The following MAPRE3 variants were observed in gnomAD, a reference collection of about 807,000 sequenced individuals.
MAPRE3 encodes microtubule associated protein RP/EB family member 3.
In MAPRE3, 2 loss-of-function variants were observed where a neutral mutation model predicts 30.5. That is an observed-to-expected ratio of 0.07 (90% CI 0.03 to 0.21). The LOEUF (loss-of-function observed/expected upper bound fraction) is 0.21. MAPRE3 is among the 10% of genes least tolerant of loss of function. The probability of loss-of-function intolerance (pLI) is 1.00; values close to 1 mark genes in which losing one functional copy is unlikely to be tolerated. For missense variants in MAPRE3, 204 were observed against 351.8 expected, an observed-to-expected ratio of 0.58 and a Z score of 3.36; for synonymous variants, 110 against 127.7, an observed-to-expected ratio of 0.86 and a Z score of 0.93.
intron 4 of MAPRE3, among the ~76,000 whole-genome samples, chr2:27,025,246 C>T (rs1445916545): frequency 1.3e-5 from 2 of 152,188 alleles, no homozygotes; most frequent in Non-Finnish European, 2.9e-5. Flanking sequence ...ACGAGAGGGT[C>T]CCGCACCCTT....
At chr2:26,997,164 T>C (rs1162626100) in intron 1 of MAPRE3, among the ~76,000 whole-genome samples, 1 of 152,170 alleles carries the variant, frequency 6.6e-6, no homozygotes, top group East Asian at 1.9e-4. Flanking sequence ...CAAGGTTTTG[T>C]GGAAGACAGT....
intron 1 of MAPRE3, among the ~76,000 whole-genome samples, chr2:26,981,917 C>A (rs762085992): frequency 1.1e-4 from 17 of 152,208 alleles, no homozygotes; most frequent in Non-Finnish European, 2.2e-4. Context: ...CTGAGCAGAT[C>A]CCTACTGAGC....
chr2:26,971,890 G>A (rs1456099840), intron 1 of MAPRE3, among the ~76,000 whole-genome samples: 2 of 152,126 alleles, frequency 1.3e-5, no homozygotes, highest in Non-Finnish European at 2.9e-5. Context: ...TGTCTTTGTG[G>A]GGCTGTCACC....
intron 1 of MAPRE3, among the ~76,000 whole-genome samples, chr2:27,009,565 TA>T (rs1666803058): frequency 6.6e-6 from 1 of 152,362 alleles, no homozygotes; most frequent in African/African-American, 2.4e-5. Flanking sequence ...TATTGTTGAC[TA>T]AAATACTGTG....
intron 1 of MAPRE3, among the ~76,000 whole-genome samples, chr2:26,992,345 G>A (rs1190715385): frequency 6.6e-6 from 1 of 151,532 alleles, no homozygotes; most frequent in Non-Finnish European, 1.5e-5. Flanking sequence ...TCCTGCCTCA[G>A]CCTCCCAAGT....
chr2:26,978,011 C>T (rs1369268400), intron 1 of MAPRE3, among the ~76,000 whole-genome samples: 1 of 152,362 alleles, frequency 6.6e-6, no homozygotes, highest in East Asian at 1.9e-4. Context: ...CCTCTTCCTC[C>T]AAATGGTCTG....
intron 1 of MAPRE3, among the ~76,000 whole-genome samples, chr2:26,977,512 C>A (rs571123279): frequency 6.6e-6 from 1 of 152,254 alleles, no homozygotes; most frequent in East Asian, 1.9e-4. Flanking sequence ...TGGATGTGCA[C>A]CTGTCTGAAT....
chr2:27,022,025 C>T (rs1383992847), intron 1 of MAPRE3, among the ~76,000 whole-genome samples, 187 bp from the exon 2 acceptor site: 1 of 152,178 alleles, frequency 6.6e-6, no homozygotes, highest in East Asian at 1.9e-4. Context: ...TCCTGGTGCA[C>T]GTCTAGCATA....
chr2:27,019,262 C>T (rs2148225859), intron 1 of MAPRE3, among the ~76,000 whole-genome samples: 1 of 151,866 alleles, frequency 6.6e-6, no homozygotes, highest in South Asian at 2.1e-4. Flanking sequence ...GCTGTAGGAT[C>T]ATGGGCACAT....
At chr2:26,981,841 A>G (rs1666119345) in intron 1 of MAPRE3, among the ~76,000 whole-genome samples, 1 of 152,176 alleles carries the variant, frequency 6.6e-6, no homozygotes, top group African/African-American at 2.4e-5. Context: ...AAGGAGGCCC[A>G]TCTTCCCAGG....
chr2:27,000,335 G>A (rs974194455), intron 1 of MAPRE3, among the ~76,000 whole-genome samples: 2 of 152,204 alleles, frequency 1.3e-5, no homozygotes, highest in East Asian at 1.9e-4. Context: ...AGAGAGACCC[G>A]TGGACAGATA....
At chr2:26,991,202 C>T (rs1206767135) in intron 1 of MAPRE3, among the ~76,000 whole-genome samples, 3 of 152,066 alleles carry the variant, frequency 2.0e-5, no homozygotes, top group Non-Finnish European at 4.4e-5. Flanking sequence ...TGCAGTGAGC[C>T]GAGTTCGTGC....
intron 1 of MAPRE3, among the ~76,000 whole-genome samples, chr2:27,021,189 A>C (rs1454157849): frequency 2.0e-5 from 3 of 152,214 alleles, no homozygotes; most frequent in Non-Finnish European, 4.4e-5. Context: ...TTGACTGTGC[A>C]TTGACTTTGG....
intron 1 of MAPRE3, among the ~76,000 whole-genome samples, chr2:27,018,549 C>T (rs1667037772): frequency 6.6e-6 from 1 of 152,180 alleles, no homozygotes; most frequent in Admixed American, 6.5e-5. Flanking sequence ...ATTACTCTCC[C>T]CAATAAGATT....
intron 1 of MAPRE3, chr2:27,012,248 C>T (rs1666878185): frequency 6.6e-6 from 1 of 150,918 alleles, no homozygotes; most frequent in African/African-American, 2.4e-5. Context: ...CTCTGAAATT[C>T]CCTTTCCCTC....
At chr2:26,989,457 T>G (rs1456516696) in intron 1 of MAPRE3, among the ~76,000 whole-genome samples, 3 of 152,212 alleles carry the variant, frequency 2.0e-5, no homozygotes, top group African/African-American at 4.8e-5. Flanking sequence ...AATTCTGTTC[T>G]GAGCTGTGGT....
intron 1 of MAPRE3, among the ~76,000 whole-genome samples, chr2:26,996,115 A>AATTTTATTTTATTTTATTTT (rs60224906): frequency 0.01 from 1,316 of 130,700 alleles, 38 homozygotes; most frequent in African/African-American, 0.035. Flanking sequence ...AGAAGATAGG[A>AATTTTATTTTATTTTATTTT]ATTTTATTTT....
At chr2:26,993,815 G>A (rs936540591) in intron 1 of MAPRE3, among the ~76,000 whole-genome samples, 1 of 152,138 alleles carries the variant, frequency 6.6e-6, no homozygotes, top group Non-Finnish European at 1.5e-5. Flanking sequence ...ACTACTGTAG[G>A]CCCTACTTGG....
intron 1 of MAPRE3, among the ~76,000 whole-genome samples, 190 bp from the exon 2 acceptor site, chr2:27,022,022 G>A (rs1667119634): frequency 6.6e-6 from 1 of 152,180 alleles, no homozygotes; most frequent in Admixed American, 6.5e-5. Context: ...GGCTCCTGGT[G>A]CACGTCTAGC....
Sources: allele counts gnomAD v4.1 joint callset (sites outside exome capture counted in the v4.1 genomes callset), GRCh38; gene constraint gnomAD v4.1.1; transcripts MANE v1.5; gene names NCBI Gene and HGNC (gene_info 2026-07-23, HGNC 2026-07-21).